The following ST3GAL1 variants were observed in gnomAD, a reference collection of about 807,000 sequenced individuals.
ST3GAL1 encodes CMP-N-acetylneuraminate-beta-galactosamide-alpha-2,3-sialyltransferase 1.
Under a neutral mutation model 34.1 loss-of-function variants are expected in ST3GAL1, and 16 were observed. That is an observed-to-expected ratio of 0.47 (90% confidence interval 0.32 to 0.71). The LOEUF (loss-of-function observed/expected upper bound fraction) is 0.71. Ranked by LOEUF, ST3GAL1 falls within the 30% of genes least tolerant of loss-of-function variation. ST3GAL1 has a pLI of 0.04. For missense variants in ST3GAL1, 353 were observed against 447.4 expected (o/e 0.79, Z 1.90); for synonymous variants, 191 against 184.7 (o/e 1.03, Z -0.28).
intron 3 of ST3GAL1, among the ~76,000 whole-genome samples, chr8:133,490,082 C>A (rs1816742255): frequency 6.6e-6 from 1 of 152,140 alleles, no homozygotes; most frequent in Non-Finnish European, 1.5e-5. Context: ...GCTCTTCGGG[C>A]AGGCATTTGC....
chr8:133,563,891 G>A (rs1012636687), intron 1 of ST3GAL1, among the ~76,000 whole-genome samples: 1 of 152,010 alleles, frequency 6.6e-6, no homozygotes, highest in African/African-American at 2.4e-5. Context: ...ATGAATAACC[G>A]TGTAAGGCTG....
chr8:133,487,237 CA>C (rs1816639315), intron 3 of ST3GAL1, among the ~76,000 whole-genome samples: 1 of 152,086 alleles, frequency 6.6e-6, no homozygotes. Flanking sequence ...CCACACCGTA[CA>C]ATCATGTTAC....
intron 2 of ST3GAL1, chr8:133,515,504 G>A (rs1817618959): frequency 6.6e-6 from 1 of 152,114 alleles, no homozygotes; most frequent in Non-Finnish European, 1.5e-5. Flanking sequence ...GTTTAAAAGA[G>A]CCCCTACGAA....
intron 2 of ST3GAL1, among the ~76,000 whole-genome samples, chr8:133,528,042 G>C (rs891584293): frequency 1.3e-5 from 2 of 151,964 alleles, no homozygotes; most frequent in African/African-American, 4.8e-5. Context: ...GGGTGTGGTG[G>C]CGCACACCTG....
intron 2 of ST3GAL1, among the ~76,000 whole-genome samples, chr8:133,527,693 C>T (rs1432783323): frequency 6.6e-6 from 1 of 152,210 alleles, no homozygotes; most frequent in Non-Finnish European, 1.5e-5. Flanking sequence ...TATGCCAGGA[C>T]TCAGCCCATG....
rs1454623652 is a variant in ST3GAL1 at position 133,456,061 on chromosome 8, A to C, written c.*3703T>G. On this transcript the variant is annotated 3_prime_UTR_variant, in exon 10 of 10. Transcript: ENST00000522652. ...CCTATTTTACATTCTATTTTCTCAT[A>C]TCCAGCTTTTCTCTCTAAGCCTAAC... The C allele has an allele frequency of 1.3e-5, 2 of 150,744 alleles. No homozygotes were observed. The highest frequency in any genetic ancestry group is 1.3e-4 in the Admixed American group (2 of 15,170). The allele number at this position is 150,744 out of a possible 1,614,324, so 9.3% of individuals were successfully genotyped here. A position where few individuals can be genotyped will look rare whatever the true frequency, so the allele number is the denominator to read the frequency against.
intron 1 of ST3GAL1, among the ~76,000 whole-genome samples, chr8:133,562,382 GT>G (rs199758649): frequency 0.011 from 1,687 of 152,062 alleles, 27 homozygotes; most frequent in African/African-American, 0.038. Flanking sequence ...GATAATTTTT[GT>G]ATTTTTAGTA....
chr8:133,515,323 T>C (rs1236052988), intron 2 of ST3GAL1, among the ~76,000 whole-genome samples: 1 of 152,254 alleles, frequency 6.6e-6, no homozygotes, highest in Non-Finnish European at 1.5e-5. Context: ...TGATATAGTC[T>C]GGATATTTGT....
intron 1 of ST3GAL1, among the ~76,000 whole-genome samples, chr8:133,563,499 G>A (rs1166812790): frequency 1.3e-5 from 2 of 152,162 alleles, no homozygotes; most frequent in African/African-American, 2.4e-5. Flanking sequence ...AGTTACCCAC[G>A]CTAAAGTTCC....
chr8:133,487,915 C>T (rs913145278), intron 3 of ST3GAL1, among the ~76,000 whole-genome samples: 1 of 151,280 alleles, frequency 6.6e-6, no homozygotes, highest in Non-Finnish European at 1.5e-5. Flanking sequence ...TTGCAGTGAG[C>T]CGAGATTGCA....
chr8:133,538,715 C>T (rs1445861502), intron 2 of ST3GAL1, among the ~76,000 whole-genome samples: 2 of 152,174 alleles, frequency 1.3e-5, no homozygotes, highest in African/African-American at 4.8e-5. Flanking sequence ...GTTAAAAACT[C>T]CTTGTGTGGC....
chr8:133,505,809 G>T (rs891136050), intron 2 of ST3GAL1, among the ~76,000 whole-genome samples: 4 of 151,900 alleles, frequency 2.6e-5, no homozygotes, highest in Non-Finnish European at 5.9e-5. Flanking sequence ...CACTATATTG[G>T]CCAGGCTAGT....
intron 2 of ST3GAL1, among the ~76,000 whole-genome samples, chr8:133,521,568 A>G (rs1817810681): frequency 6.6e-6 from 1 of 152,220 alleles, no homozygotes. Context: ...AAGTGCTGGA[A>G]TTACAGGCGT....
At chr8:133,509,546 T>C (rs576391759) in intron 2 of ST3GAL1, among the ~76,000 whole-genome samples, 61 of 152,316 alleles carry the variant, frequency 4.0e-4, no homozygotes, top group African/African-American at 1.4e-3. Flanking sequence ...GAGACTGAGC[T>C]CCTGAGTGAG....
intron 1 of ST3GAL1, among the ~76,000 whole-genome samples, chr8:133,564,746 C>T (rs12678815): frequency 1.1e-4 from 17 of 152,278 alleles, no homozygotes; most frequent in East Asian, 9.7e-4. Flanking sequence ...GTTGAGAGAC[C>T]TTTACTGAAT....
chr8:133,567,465 T>C (rs1819436661), intron 1 of ST3GAL1: 1 of 152,232 alleles, frequency 6.6e-6, no homozygotes, highest in African/African-American at 2.4e-5. Context: ...TATTTTTACA[T>C]TAAAGTGAAA....
At chr8:133,540,728 C>CAT (rs57891081) in intron 2 of ST3GAL1, among the ~76,000 whole-genome samples, 35 of 88,664 alleles carry the variant, frequency 3.9e-4, no homozygotes, top group African/African-American at 6.1e-4. Flanking sequence ...TATATATAGA[C>CAT]ATATATATAT....
chr8:133,486,504 A>G (rs187852465), intron 3 of ST3GAL1, among the ~76,000 whole-genome samples: 7 of 152,312 alleles, frequency 4.6e-5, no homozygotes, highest in South Asian at 2.1e-4. Flanking sequence ...TGGGTCAGGA[A>G]GGATCAGCCG....
chr8:133,464,945 C>A lies in ST3GAL1; in HGVS notation c.516G>T (p.Ala172=), dbSNP rs200181539. The A allele has an allele frequency of 6.2e-7, 1 of 1,612,664 alleles. No homozygotes were observed. Among genetic ancestry groups the A allele is most frequent in the Non-Finnish European group, 8.5e-7 (1 of 1,179,272 alleles). ...CATCAGCTTCAAACCCTGCCGTGGG[C>A]GCCTTGTTCATCCTGGGAGAGAAGG... ...SHDFVLRMNK[A]PTAGFEADVG... The change falls in exon 7 of 10, where the codon GCG becomes GCT. Residue 172 remains alanine (A), a synonymous_variant. Transcript: ENST00000522652.
Sources: gnomAD v4.1 joint callset for allele counts (sites outside exome capture counted in the v4.1 genomes callset) on GRCh38, gnomAD v4.1.1 for gene constraint, MANE v1.5 for transcripts, NCBI Gene and HGNC (gene_info 2026-07-23, HGNC 2026-07-21) for gene names.